The following PPP1R9A variants were observed in gnomAD, a reference collection of about 807,000 sequenced individuals.
PPP1R9A encodes the protein protein phosphatase 1 regulatory subunit 9A, also known as neurabin-1.
PPP1R9A carries 59 observed loss-of-function variants against 141.9 expected under a neutral mutation model. That is an observed-to-expected ratio of 0.42 (90% CI 0.34 to 0.52). The LOEUF (loss-of-function observed/expected upper bound fraction) is 0.52, where lower values mean the gene tolerates loss of function less well. Ranked by LOEUF, PPP1R9A falls within the 20% of genes least tolerant of loss-of-function variation. The pLI is 0.10. For missense variants in PPP1R9A, 1,444 were observed against 1,611.9 expected (o/e 0.90, Z 1.78); for synonymous variants, 500 against 569.7 (o/e 0.88, Z 1.74).
At chr7:94,938,237 G>A (rs1260330267) in intron 2 of PPP1R9A, among the ~76,000 whole-genome samples, 1 of 152,116 alleles carries the variant, frequency 6.6e-6, no homozygotes, top group Non-Finnish European at 1.5e-5. Context: ...TCTGCATGTG[G>A]AGGGATCTAG....
intron 4 of PPP1R9A, among the ~76,000 whole-genome samples, chr7:95,159,206 TTAAAA>T (rs1830075176): frequency 1.3e-5 from 2 of 152,202 alleles, no homozygotes; most frequent in African/African-American, 4.8e-5. Flanking sequence ...TATATAGTTG[TTAAAA>T]TAAATTAGGT....
rs570145819 is a variant in PPP1R9A at position 95,233,708 on chromosome 7, G to T, written c.2112+7592G>T. Among the ~76,000 whole-genome samples the T allele has an allele frequency of 7.2e-5, 11 of 152,000 alleles. No individual in the cohort carries two copies. In the South Asian group the frequency reaches 2.3e-3, roughly 32 times the overall value. ...CTGGTGTCACCCTAATACCCAAACC[G>T]GGAAGGGACATAACAAAAAAAGAAA... On this transcript the variant is annotated intron_variant, in intron 8 of 19. Transcript: ENST00000433360.
intron 7 of PPP1R9A, among the ~76,000 whole-genome samples, chr7:95,208,831 G>A (rs1245091052): frequency 6.6e-6 from 1 of 151,814 alleles, no homozygotes. Context: ...TTTTAAGACA[G>A]TGAAAAGATA....
chr7:95,235,549 G>A (rs971696541), intron 8 of PPP1R9A, among the ~76,000 whole-genome samples: 4 of 152,094 alleles, frequency 2.6e-5, no homozygotes, highest in Non-Finnish European at 4.4e-5. Flanking sequence ...TGGTGAAAAG[G>A]GAACAACTTT....
Position 94,910,488 on chromosome 7 carries a change from TAGA to T in PPP1R9A, c.376_378del (p.Arg126del). 6.2e-7 allele frequency: 1 copy of T among 1,614,174 alleles called. No individual in the cohort carries two copies. The highest frequency in any genetic ancestry group is 8.5e-7 in the Non-Finnish European group (1 of 1,180,030). ...AGTCTTCTGTTTCTGAACGAATTAGTAGATTTGACACTATGTACGATGGCCCTT... is the reference window on the plus strand; with the variant it reads ...AGTCTTCTGTTTCTGAACGAATTAGTTTTGACACTATGTACGATGGCCCTT... On this transcript the variant is annotated inframe_deletion, in exon 2 of 20. Transcript: ENST00000433360. This position sits in a 1 kb window ranked among gnomAD's most constrained non-coding sequence, Gnocchi z 4.5.
intron 2 of PPP1R9A, among the ~76,000 whole-genome samples, chr7:94,962,602 C>T (rs1584410768): frequency 6.6e-6 from 1 of 151,766 alleles, no homozygotes. Flanking sequence ...TATTTATAAG[C>T]GTATAGTATT....
intron 5 of PPP1R9A, among the ~76,000 whole-genome samples, chr7:95,197,815 A>C (rs12704781): frequency 6.6e-6 from 1 of 151,736 alleles, no homozygotes; most frequent in East Asian, 1.9e-4. Context: ...CGCCCGGCTA[A>C]TTTTTGTATT....
At chr7:95,251,041 T>G (rs12667554) in intron 10 of PPP1R9A, among the ~76,000 whole-genome samples, 98,159 of 152,096 alleles carry the variant, frequency 0.65, 32,658 homozygotes, top group African/African-American at 0.81. Flanking sequence ...CCATATTTCT[T>G]TTATTTCCTA....
intron 16 of PPP1R9A, among the ~76,000 whole-genome samples, chr7:95,280,089 T>C (rs982920730): frequency 2.0e-5 from 3 of 152,130 alleles, no homozygotes; most frequent in Non-Finnish European, 4.4e-5. Context: ...CCCTGAGCTT[T>C]AGATGGACAT....
At chr7:95,212,326 TA>T (rs1274784581) in intron 7 of PPP1R9A, among the ~76,000 whole-genome samples, 2 of 151,974 alleles carry the variant, frequency 1.3e-5, no homozygotes, top group African/African-American at 2.4e-5. Flanking sequence ...AGTCTTTTCT[TA>T]AAAATAAAGA....
intron 2 of PPP1R9A, among the ~76,000 whole-genome samples, chr7:95,084,058 A>G (rs891507064): frequency 6.6e-6 from 1 of 152,096 alleles, no homozygotes; most frequent in African/African-American, 2.4e-5. Context: ...AGGCAAAGAC[A>G]TCTTTTTAAA....
chr7:95,179,030 C>T (rs571916804), intron 5 of PPP1R9A, among the ~76,000 whole-genome samples: 15 of 152,116 alleles, frequency 9.9e-5, no homozygotes, highest in South Asian at 8.3e-4. Flanking sequence ...TCTATGAAGC[C>T]GGCATCACCC....
At chr7:94,951,806 G>C (rs1796504869) in intron 2 of PPP1R9A, among the ~76,000 whole-genome samples, 1 of 150,282 alleles carries the variant, frequency 6.7e-6, no homozygotes, top group African/African-American at 2.4e-5. Flanking sequence ...TGTTCTTTGA[G>C]TGCTTCATTC....
chr7:94,914,264 T>C (rs1400493744), intron 2 of PPP1R9A, among the ~76,000 whole-genome samples: 1 of 152,220 alleles, frequency 6.6e-6, no homozygotes, highest in Non-Finnish European at 1.5e-5. Context: ...TTGTTATAGA[T>C]CTTATTTATC....
intron 2 of PPP1R9A, among the ~76,000 whole-genome samples, chr7:95,074,775 A>T (rs1435369020): frequency 6.6e-6 from 1 of 152,026 alleles, no homozygotes; most frequent in Non-Finnish European, 1.5e-5. Context: ...TGCCCGGCCC[A>T]AAGACTACAT....
In PPP1R9A at chr7:95,203,669, C is replaced by A. The variant is rs933157362; in HGVS notation, c.1895C>A (p.Thr632Asn). The A allele has an allele frequency of 1.3e-6, 2 of 1,536,144 alleles. No individual in the cohort carries two copies. Among genetic ancestry groups the A allele is most frequent in the African/African-American group, 2.7e-5 (2 of 73,006 alleles). Residue 632 changes from threonine to asparagine, a missense_variant, in exon 7 of 20, where the codon ACT becomes AAT. Physicochemically the swap from Thr to Asn is moderately conservative, Grantham distance 65. Transcript: ENST00000433360. Reference sequence around the variant, plus strand: ...ATTTTTTGTCAACCATTTTAGAACACTGTGGCTGAATTGCAAGGAATGTCT... The same window carrying A: ...ATTTTTTGTCAACCATTTTAGAACAATGTGGCTGAATTGCAAGGAATGTCT... ...AQYDADDDEN[T>N]VAELQGMSGN...
At chr7:95,164,622 G>A (rs146943459) in intron 5 of PPP1R9A, among the ~76,000 whole-genome samples, 34 of 151,836 alleles carry the variant, frequency 2.2e-4, no homozygotes, top group African/African-American at 8.0e-4. Context: ...TAGATTTCCT[G>A]GGCATATCCT....
chr7:94,939,577 T>C (rs1442306789), intron 2 of PPP1R9A, among the ~76,000 whole-genome samples: 3 of 152,052 alleles, frequency 2.0e-5, no homozygotes, highest in Non-Finnish European at 4.4e-5. Context: ...CAGTGGACTT[T>C]ATATAGTGCT....
intron 2 of PPP1R9A, among the ~76,000 whole-genome samples, chr7:94,971,795 T>C (rs1337698616): frequency 6.6e-6 from 1 of 152,250 alleles, no homozygotes; most frequent in African/African-American, 2.4e-5. Flanking sequence ...TCTTCAGTGC[T>C]ATTCAGAAGA....
Sources: gnomAD v4.1 joint callset for allele counts (sites outside exome capture counted in the v4.1 genomes callset) on GRCh38, gnomAD v4.1.1 for gene constraint, Gnocchi (gnomAD v3.1) non-coding constraint, MANE v1.5 for transcripts, NCBI Gene and HGNC (gene_info 2026-07-23, HGNC 2026-07-21) for gene names.